Variants in ACACA observed in about 807,000 individuals in gnomAD.
ACACA encodes acetyl-CoA carboxylase alpha, also known as acetyl-CoA carboxylase 1.
Under a neutral mutation model 296.1 loss-of-function variants are expected in ACACA, and 103 were observed. The ratio of observed to expected loss-of-function variants is 0.35; its 90% CI spans 0.30 to 0.41. ACACA has a LOEUF of 0.41. ACACA is among the 10% of genes least tolerant of loss of function. The pLI, the probability that ACACA is intolerant of heterozygous loss-of-function variation, is 1.00. For missense variants in ACACA, 1,554 were observed against 2,989.7 expected (o/e 0.52, Z 11.20); for synonymous variants, 953 against 1,038.6 (o/e 0.92, Z 1.58).
intron 1 of ACACA, among the ~76,000 whole-genome samples, chr17:37,394,684 G>A (rs1452720168): frequency 6.7e-6 from 1 of 149,520 alleles, no homozygotes; most frequent in Non-Finnish European, 1.5e-5. Context: ...AGACCATCCT[G>A]GCTAACACGG....
intron 45 of ACACA, chr17:37,144,369 A>G: frequency 6.6e-6 from 3 of 453,208 alleles, no homozygotes; most frequent in East Asian, 4.6e-5. Context: ...CGCTGTCTCT[A>G]TCGTAACCTC....
chr17:37,127,811 T>C (rs1207053738), intron 47 of ACACA, among the ~76,000 whole-genome samples: 1 of 133,058 alleles, frequency 7.5e-6, no homozygotes, highest in Non-Finnish European at 1.5e-5. Context: ...GCCACTGCAC[T>C]CCAGCCTGGC....
chr17:37,202,690 TATATATATATATATATATATATACAC>T lies in ACACA; in HGVS notation c.4057-2233_4057-2208del, dbSNP rs1457684856. Among the ~76,000 whole-genome samples the T allele has an allele frequency of 4.8e-3, 82 of 16,966 alleles. 3 individuals are homozygous for T. In the East Asian group the frequency reaches 0.13, roughly 27 times the overall value. The allele number at this position is 16,966 out of a possible 152,430, so 11.1% of individuals were successfully genotyped here. On this transcript the variant is annotated intron_variant, in intron 33 of 55. Transcript: ENST00000616317. ...TTTCATATATATATATATATATATA[TATATATATATATATATATATATACAC>T]ACACACATATATTTTAACAAGGAGA...
chr17:37,360,036 C>G (rs953284666), intron 1 of ACACA, among the ~76,000 whole-genome samples: 7 of 152,098 alleles, frequency 4.6e-5, no homozygotes, highest in African/African-American at 1.7e-4. Context: ...GCACGCCGAG[C>G]CTTTGAGAGG....
At chr17:37,243,106 T>C (rs1321150677) in intron 22 of ACACA, among the ~76,000 whole-genome samples, 1 of 152,164 alleles carries the variant, frequency 6.6e-6, no homozygotes, top group African/African-American at 2.4e-5. Flanking sequence ...AAAATACCTC[T>C]AATTAGGGAA....
intron 3 of ACACA, among the ~76,000 whole-genome samples, chr17:37,319,116 C>T (rs780982902): frequency 2.6e-4 from 40 of 152,132 alleles, no homozygotes; most frequent in Non-Finnish European, 5.1e-4. Context: ...TCCTCTTAAA[C>T]GAGTCACTAG....
chr17:37,124,356 T>C (rs1321822993), intron 48 of ACACA, among the ~76,000 whole-genome samples: 1 of 152,250 alleles, frequency 6.6e-6, no homozygotes, highest in Non-Finnish European at 1.5e-5. Flanking sequence ...CCTATTCTTC[T>C]AATCATAAGT....
intron 10 of ACACA, among the ~76,000 whole-genome samples, chr17:37,266,497 CT>C (rs2081784505): frequency 6.6e-6 from 1 of 150,790 alleles, no homozygotes; most frequent in South Asian, 2.1e-4. Flanking sequence ...TTAGAAGCAT[CT>C]TTCTAGCTGA....
chr17:37,141,998 T>C (rs554437054), intron 45 of ACACA, among the ~76,000 whole-genome samples: 1 of 118,818 alleles, frequency 8.4e-6, no homozygotes, highest in African/African-American at 3.2e-5. Context: ...GCCAAGTTTT[T>C]TTTGTTTTTT....
intron 1 of ACACA, among the ~76,000 whole-genome samples, chr17:37,348,777 G>A (rs1379852252): frequency 1.3e-5 from 2 of 151,534 alleles, no homozygotes; most frequent in African/African-American, 4.8e-5. Context: ...GTGAAACCCC[G>A]TCTCTACTAA....
chr17:37,188,224 T>A, intron 39 of ACACA, 53 bp downstream of exon 39: 1 of 1,553,186 alleles, frequency 6.4e-7, no homozygotes, highest in East Asian at 2.2e-5. Flanking sequence ...AGGACGAGTG[T>A]CTTATCTGTA....
At chr17:37,108,545 T>C (rs564051165) in intron 52 of ACACA, among the ~76,000 whole-genome samples, 1 of 152,110 alleles carries the variant, frequency 6.6e-6, no homozygotes, top group Non-Finnish European at 1.5e-5. Flanking sequence ...TGCACCACCA[T>C]GCCCGGCTAA....
chr17:37,310,780 C>T (rs144032201), intron 3 of ACACA, among the ~76,000 whole-genome samples: 2,862 of 124,594 alleles, frequency 0.023, 47 homozygotes, highest in South Asian at 0.053. Context: ...GGCAACAGAG[C>T]GAGACACCAT....
At chr17:37,195,640 C>T (rs1336767802) in intron 35 of ACACA, among the ~76,000 whole-genome samples, 1 of 152,032 alleles carries the variant, frequency 6.6e-6, no homozygotes, top group Non-Finnish European at 1.5e-5. Context: ...AGTGGAACTA[C>T]TAAGCAATTC....
At chr17:37,087,690 T>C (rs2072306312) in intron 55 of ACACA, among the ~76,000 whole-genome samples, 1 of 151,646 alleles carries the variant, frequency 6.6e-6, no homozygotes, top group Admixed American at 6.6e-5. Context: ...AACATGCCAA[T>C]GGGGGCATGT....
intron 1 of ACACA, among the ~76,000 whole-genome samples, chr17:37,346,316 CAAA>C (rs35348805): frequency 3.5e-5 from 4 of 115,884 alleles, no homozygotes; most frequent in Non-Finnish European, 3.7e-5. Context: ...GACTCTCTCT[CAAA>C]AAAAAAAAAA....
chr17:37,146,885 T>A (rs979381525), intron 45 of ACACA, among the ~76,000 whole-genome samples: 1 of 137,878 alleles, frequency 7.3e-6, no homozygotes, highest in African/African-American at 2.7e-5. Context: ...TTAAAATTCA[T>A]TGGGCATCAG....
At chr17:37,216,199 T>TGG (rs2078987883) in intron 29 of ACACA, among the ~76,000 whole-genome samples, 1 of 146,286 alleles carries the variant, frequency 6.8e-6, no homozygotes. Context: ...CGTGTGTGTG[T>TGG]GTGTGTGTGT....
intron 1 of ACACA, among the ~76,000 whole-genome samples, chr17:37,368,449 C>T (rs562238203): frequency 4.6e-5 from 7 of 151,356 alleles, no homozygotes; most frequent in South Asian, 2.1e-4. Context: ...GGCATGGTGG[C>T]GGGAACCTGT....
Sources: allele counts gnomAD v4.1 joint callset (sites outside exome capture counted in the v4.1 genomes callset), GRCh38; gene constraint gnomAD v4.1.1; transcripts MANE v1.5; gene names NCBI Gene and HGNC (gene_info 2026-07-23, HGNC 2026-07-21).